Variants in ELL2 observed in about 807,000 individuals in gnomAD.
ELL2 encodes the protein elongation factor for RNA polymerase II 2, also known as RNA polymerase II elongation factor ELL2.
ELL2 carries 21 observed loss-of-function variants against 72.8 expected under a neutral mutation model. That is an observed-to-expected ratio of 0.29 (90% CI 0.20 to 0.42). The LOEUF (loss-of-function observed/expected upper bound fraction) is 0.42, where lower values mean the gene tolerates loss of function less well. Ranked by LOEUF, ELL2 falls within the 10% of genes least tolerant of loss-of-function variation. The pLI is 1.00. For missense variants in ELL2, 568 were observed against 772.8 expected (o/e 0.73, Z 3.14); for synonymous variants, 266 against 283.2 (o/e 0.94, Z 0.61).
At position 95,887,961 on chromosome 5, in the gene ELL2, T is replaced by C. The variant is rs2112260362; in HGVS notation, c.*910A>G. 1 of 152,516 alleles carries C rather than the reference T, an allele frequency of 6.6e-6. No homozygotes were observed. Among genetic ancestry groups the C allele is most frequent in the Admixed American group, 6.5e-5 (1 of 15,278 alleles). The allele number at this position is 152,516 out of a possible 1,614,324, so 9.4% of individuals were successfully genotyped here. On this transcript the variant is annotated 3_prime_UTR_variant, in exon 12 of 12. Transcript: ENST00000237853. ...ATGCTTTTGTCTTCCACAACAAAAG[T>C]AGCAATTTGATAGAAGAAAAAAAAC...
intron 2 of ELL2, among the ~76,000 whole-genome samples, chr5:95,937,930 C>T (rs1434339943): frequency 6.6e-6 from 1 of 152,126 alleles, no homozygotes; most frequent in Non-Finnish European, 1.5e-5. Context: ...TTTATCTTTG[C>T]TGTGTATTTC....
chr5:95,912,581 A>G (rs1749648024), intron 4 of ELL2, among the ~76,000 whole-genome samples: 1 of 152,248 alleles, frequency 6.6e-6, no homozygotes, highest in African/African-American at 2.4e-5. Context: ...AAGGAGAAAG[A>G]AAGGAGGCTG....
chr5:95,936,958 T>C (rs1750798303), intron 2 of ELL2, among the ~76,000 whole-genome samples: 1 of 152,026 alleles, frequency 6.6e-6, no homozygotes, highest in Admixed American at 6.5e-5. Context: ...TATTTTACCT[T>C]GTCTACACAG....
chr5:95,939,075 T>G (rs1750879918), intron 2 of ELL2, among the ~76,000 whole-genome samples: 1 of 152,206 alleles, frequency 6.6e-6, no homozygotes, highest in South Asian at 2.1e-4. Flanking sequence ...CTTACCTTTG[T>G]GTGTGTGCAC....
At chr5:95,919,601 G>A (rs1749969940) in intron 2 of ELL2, 56 bp from the exon 3 acceptor site, 10 of 1,498,672 alleles carry the variant, frequency 6.7e-6, no homozygotes, top group Non-Finnish European at 8.8e-6. Context: ...CCATAGAAAA[G>A]TCTTAAGACT....
rs765733511 is a variant in ELL2, at chr5:95,906,576, T to G, written c.688A>C (p.Lys230Gln). The G allele has an allele frequency of 2.5e-5, 41 of 1,613,972 alleles. No homozygotes were observed. The highest frequency in any genetic ancestry group is 3.4e-5 in the Non-Finnish European group (40 of 1,179,968). ...KKPELLARLQKDGVNQKDKNS... is the reference protein window; with the variant it reads ...KKPELLARLQQDGVNQKDKNS... The stretch of plus-strand genomic sequence containing the variant: ...TTGTCTTTTTGATTGACACCATCTT[T>G]CTGGAGTCTAGCAAGTAGCTCCGGT... Residue 230 changes from lysine (K) to glutamine (Q), a missense_variant, in exon 5 of 12, where the codon AAA becomes CAA. Lys to Gln is a moderately conservative substitution (Grantham distance 53). Around this residue, in one of 2 missense-constraint regions of ELL2, gnomAD observed 511 missense variants for 728.4 expected, o/e 0.70. Coordinates refer to ENST00000237853, the MANE Select transcript of ELL2 (RefSeq NM_012081.6).
intron 2 of ELL2, among the ~76,000 whole-genome samples, chr5:95,921,336 G>C (rs571813602): frequency 2.0e-5 from 3 of 152,174 alleles, no homozygotes; most frequent in South Asian, 2.1e-4. Context: ...ATACTCCATA[G>C]AGCCTCCATC....
At chr5:95,890,982 C>G (rs761350312) in intron 10 of ELL2, 121 bp downstream of exon 10, 1 of 1,092,346 alleles carries the variant, frequency 9.2e-7, no homozygotes, top group Non-Finnish European at 1.4e-6. Flanking sequence ...AAAGCAGCAG[C>G]GAGGCTGGTC....
chr5:95,938,163 A>G (rs1378132121), intron 2 of ELL2, among the ~76,000 whole-genome samples: 2 of 152,234 alleles, frequency 1.3e-5, no homozygotes, highest in Non-Finnish European at 2.9e-5. Context: ...AACGAGAAGA[A>G]AAATCCAACC....
At chr5:95,913,644 T>G in intron 4 of ELL2, 127 bp downstream of exon 4, 1 of 1,102,326 alleles carries the variant, frequency 9.1e-7, no homozygotes, top group Non-Finnish European at 1.3e-6. Flanking sequence ...TTTCTCACCA[T>G]GTTATCCAAA....
In ELL2 at chr5:95,951,615, T is replaced by C. The variant is rs192130447; in HGVS notation, c.148-8566A>G. Among the ~76,000 whole-genome samples the C allele has an allele frequency of 1.2e-3, 179 of 152,066 alleles. 1 individual carries two copies. The highest frequency in any genetic ancestry group is 4.1e-3 in the African/African-American group (171 of 41,460). On this transcript the variant is annotated intron_variant, in intron 1 of 11. Coordinates refer to ENST00000237853, the MANE Select transcript of ELL2 (RefSeq NM_012081.6). ...AAGATGAAGTTTTTTTTTTTAAAAC[T>C]AGAAATTAATAAAATGTGGCATCTA...
chr5:95,895,887 G>C (rs143726855), intron 8 of ELL2, among the ~76,000 whole-genome samples, 196 bp from the exon 9 acceptor site: 1 of 152,152 alleles, frequency 6.6e-6, no homozygotes, highest in Non-Finnish European at 1.5e-5. Context: ...CAGCAGAACC[G>C]ACGCCAGGCA....
At chr5:95,950,628 A>T (rs1276031371) in intron 1 of ELL2, among the ~76,000 whole-genome samples, 1 of 152,034 alleles carries the variant, frequency 6.6e-6, no homozygotes, top group Non-Finnish European at 1.5e-5. Context: ...TAAGCTTCAC[A>T]AAACCAATCT....
intron 2 of ELL2, among the ~76,000 whole-genome samples, chr5:95,920,939 C>A (rs996923086): frequency 1.3e-5 from 2 of 152,142 alleles, no homozygotes; most frequent in Non-Finnish European, 2.9e-5. Context: ...TGCTGCTTAG[C>A]GTGTATGCAC....
intron 8 of ELL2, among the ~76,000 whole-genome samples, chr5:95,897,073 C>T (rs1165857258): frequency 1.3e-5 from 2 of 152,324 alleles, no homozygotes; most frequent in East Asian, 3.9e-4. Flanking sequence ...ATTATATTGA[C>T]TGAAATATTT....
At chr5:95,950,035 T>C (rs1020499819) in intron 1 of ELL2, among the ~76,000 whole-genome samples, 1 of 152,222 alleles carries the variant, frequency 6.6e-6, no homozygotes. Flanking sequence ...ATATAGTTAG[T>C]CTTTCCTGCC....
At chr5:95,905,235 G>GCA (rs1554075518) in intron 5 of ELL2, among the ~76,000 whole-genome samples, 2 of 137,944 alleles carry the variant, frequency 1.4e-5, no homozygotes, top group African/African-American at 2.8e-5. Flanking sequence ...TTTGAGATAC[G>GCA]CGCACACACA....
At chr5:95,910,726 G>C (rs566614742) in intron 4 of ELL2, among the ~76,000 whole-genome samples, 5 of 152,228 alleles carry the variant, frequency 3.3e-5, no homozygotes, top group African/African-American at 1.2e-4. Context: ...CCATGCCACA[G>C]TGGGATCAGC....
At chr5:95,960,420 C>T (rs879877949) in intron 1 of ELL2, among the ~76,000 whole-genome samples, 2 of 152,008 alleles carry the variant, frequency 1.3e-5, no homozygotes, top group Non-Finnish European at 2.9e-5. Flanking sequence ...TTCCCTGTCT[C>T]TCCCATTTTT....
Sources: allele counts gnomAD v4.1 joint callset (sites outside exome capture counted in the v4.1 genomes callset), GRCh38; gene constraint gnomAD v4.1.1; regional missense constraint gnomAD v4.1.1; transcripts MANE v1.5; gene names NCBI Gene and HGNC (gene_info 2026-07-23, HGNC 2026-07-21).